VPS72: variants seen among roughly 807,000 people sequenced by gnomAD.
VPS72 encodes the protein vacuolar protein sorting 72 homolog.
In VPS72, 27 loss-of-function variants were observed where a neutral mutation model predicts 38.9. That is an observed-to-expected ratio of 0.69 (90% CI 0.51 to 0.96). The LOEUF (loss-of-function observed/expected upper bound fraction) is 0.96. Among genes scored for constraint, VPS72 ranks in the 40% least tolerant of loss-of-function variants. VPS72 has a pLI of 0.00. For synonymous variants in VPS72, 173 were observed against 186.3 expected (o/e 0.93, Z 0.58); for missense variants, 360 against 479.5 (o/e 0.75, Z 2.33).
At chr1:151,184,904 C>T (rs1010438900) in intron 3 of VPS72, among the ~76,000 whole-genome samples, 1 of 152,080 alleles carries the variant, frequency 6.6e-6, no homozygotes, top group African/African-American at 2.4e-5. Context: ...TTCAAACCTA[C>T]GAAGTTGCAA....
intron 5 of VPS72, 43 bp downstream of exon 5, chr1:151,177,958 T>A (rs1487900466): frequency 6.3e-7 from 1 of 1,596,052 alleles, no homozygotes; most frequent in Non-Finnish European, 8.6e-7. Flanking sequence ...CAAGAGAACA[T>A]GAGCTGAACA....
At chr1:151,183,861 T>C (rs955545328) in intron 4 of VPS72, among the ~76,000 whole-genome samples, 1 of 152,174 alleles carries the variant, frequency 6.6e-6, no homozygotes. Flanking sequence ...GTTCTCATGA[T>C]TATCATTAAA....
Position 151,176,444 on chromosome 1 carries a change from A to C in VPS72, c.*200T>G. On this transcript the variant is annotated 3_prime_UTR_variant, in exon 6 of 6. Transcript: ENST00000368892. Reference sequence around the variant, plus strand: ...AAATACTTCTTGCTCCCAACCCTAGACTGGACACCAGACAAAAGGGATCTT... The same window carrying C: ...AAATACTTCTTGCTCCCAACCCTAGCCTGGACACCAGACAAAAGGGATCTT... 3.4e-6 allele frequency: 3 copies of C among 879,874 alleles called. No individual in the cohort carries two copies. The East Asian group carries it at 7.9e-5, about 23-fold the overall frequency. The allele number at this position is 879,874 out of a possible 1,614,324, so 54.5% of individuals were successfully genotyped here.
At chr1:151,187,038 T>G (rs1684366233) in intron 1 of VPS72, among the ~76,000 whole-genome samples, 1 of 152,092 alleles carries the variant, frequency 6.6e-6, no homozygotes, top group Non-Finnish European at 1.5e-5. Flanking sequence ...TGAGTACTGC[T>G]ACTATGGATA....
In VPS72 at chr1:151,176,927, T is replaced by C. The variant is rs1331639976; in HGVS notation, c.812A>G (p.Asp271Gly). 6.2e-7 allele frequency: 1 copy of C among 1,613,726 alleles called. No homozygotes were observed. The highest frequency in any genetic ancestry group is 8.5e-7 in the Non-Finnish European group (1 of 1,179,872). The part of the protein sequence containing the change: ...CSRTFITFSD[D>G]ATFEEWFPQG... ...GGGGAACCATTCCTCGAAAGTTGCA[T>C]CATCACTAAAAGTGATGAAGGTACG... The change falls in exon 6 of 6, where the codon GAT (aspartate) becomes GGT (glycine). Residue 271 changes from aspartate (D) to glycine (G), a missense_variant. Physicochemically the swap from Asp to Gly is moderately conservative, Grantham distance 94 (BLOSUM62 -1). Around this residue, in one of 2 missense-constraint regions of VPS72, gnomAD observed 294 missense variants for 356.3 expected, o/e 0.83. Transcript: ENST00000368892.
chr1:151,182,191 C>T (rs1322969773), intron 4 of VPS72, among the ~76,000 whole-genome samples: 2 of 152,142 alleles, frequency 1.3e-5, no homozygotes, highest in Non-Finnish European at 2.9e-5. Flanking sequence ...CCACACTCAG[C>T]TAATATTTTG....
At chr1:151,185,653 C>G (rs587626728) in intron 2 of VPS72, 33 bp from the exon 3 acceptor site, 2 of 1,611,856 alleles carry the variant, frequency 1.2e-6, no homozygotes, top group African/African-American at 1.3e-5. Flanking sequence ...TACTGGGGAA[C>G]AGAAGAAGTC....
intron 1 of VPS72, among the ~76,000 whole-genome samples, chr1:151,188,880 G>C (rs373919843): frequency 6.6e-6 from 1 of 152,116 alleles, no homozygotes; most frequent in Non-Finnish European, 1.5e-5. Flanking sequence ...GCCCAGGCTG[G>C]AGTGCAGTGG....
intron 1 of VPS72, among the ~76,000 whole-genome samples, chr1:151,189,794 C>A (rs1426624240): frequency 1.3e-5 from 2 of 152,058 alleles, no homozygotes; most frequent in Non-Finnish European, 2.9e-5. Context: ...CCGTCTCAGG[C>A]CCCTTTGACC....
Position 151,185,560 on chromosome 1 carries a change from C to T in VPS72, c.331G>A (p.Ala111Thr), listed in dbSNP as rs200100551. 501 of 1,614,064 alleles carry T rather than the reference C, an allele frequency of 3.1e-4. 1 individual carries two copies. The highest frequency in any genetic ancestry group is 4.0e-4 in the Non-Finnish European group (467 of 1,180,040). ...GGCAGTAGTGCCTTCTCTTCTCGCG[C>T]CTTCTGAGAGCTACCAGCCGGGGTG... ...VNTPAGSSQK[A>T]REEKALLPLE... Residue 111 changes from alanine to threonine, a missense_variant, in exon 3 of 6, where the codon GCG becomes ACG. Transcript: ENST00000368892.
At position 151,185,500 on chromosome 1, in the gene VPS72, A is replaced by G; in HGVS notation, c.385+6T>C. On this transcript the variant is annotated splice_donor_region_variant and intron_variant, in intron 3 of 5. Coordinates refer to ENST00000368892, the MANE Select transcript of VPS72 (RefSeq NM_005997.3). ...TTTGCCAATTGACCCTAACATCCCTACTCACTGTCAGAGCCGTCATCTTGT... is the reference window on the plus strand; with the variant it reads ...TTTGCCAATTGACCCTAACATCCCTGCTCACTGTCAGAGCCGTCATCTTGT... The G allele has an allele frequency of 6.2e-7, 1 of 1,613,428 alleles. No homozygotes were observed. Among genetic ancestry groups the G allele is most frequent in the South Asian group, 1.1e-5 (1 of 91,050 alleles).
rs1684303675 is a variant in VPS72 at position 151,184,399 on chromosome 1, C to T, written c.480G>A (p.Gly160=). The T allele has an allele frequency of 1.2e-6, 2 of 1,613,926 alleles. No individual in the cohort carries two copies. The highest frequency in any genetic ancestry group is 1.7e-6 in the Non-Finnish European group (2 of 1,180,038). ...GGGTTAGTGGCCGCTCACAGTGGGG[C>T]CCCTTTCGCCGTCTTGACTGGCCCT... ...ERQGQSRRRK[G]PHCERPLTQE... is the part of the protein sequence containing the mutation. Residue 160 remains glycine, a synonymous_variant, in exon 4 of 6, where the codon GGG becomes GGA. Transcript: ENST00000368892.
At chr1:151,188,105 C>T (rs1684391414) in intron 1 of VPS72, among the ~76,000 whole-genome samples, 1 of 151,516 alleles carries the variant, frequency 6.6e-6, no homozygotes, top group African/African-American at 2.4e-5. Flanking sequence ...GGCAGTGGCG[C>T]AATCCACTGC....
rs150079767 is a variant in VPS72, at chr1:151,187,054, G to A, written c.118-1104C>T. On this transcript the variant is annotated intron_variant, in intron 1 of 5. Transcript: ENST00000368892. ...GAGTACTGCTACTATGGATAATGGA[G>A]GGCCACTGAAGATTTAGGGGAGGGG... Among the ~76,000 whole-genome samples, 60 of 152,210 alleles carry A rather than the reference G, an allele frequency of 3.9e-4. No homozygotes were observed. The East Asian group carries it at 0.012, about 29-fold the overall frequency.
rs138818377 is a variant in VPS72 at position 151,176,711 on chromosome 1, G to A, written c.1028C>T (p.Pro343Leu). The A allele has an allele frequency of 2.7e-5, 44 of 1,614,072 alleles. No individual in the cohort carries two copies. The highest frequency in any genetic ancestry group is 6.7e-5 in the Admixed American group (4 of 60,002). Residue 343 changes from proline to leucine, a missense_variant, in exon 6 of 6, where the codon CCG becomes CTG. Physicochemically the swap from Pro to Leu is moderately conservative, Grantham distance 98. Around this residue, in one of 2 missense-constraint regions of VPS72, gnomAD observed 294 missense variants for 356.3 expected, o/e 0.83. Coordinates refer to ENST00000368892, the MANE Select transcript of VPS72 (RefSeq NM_005997.3). Reference sequence around the variant, plus strand: ...GCCAGGGAGGGGCTCAGGAGGTGGCGGGCCGGGGCCCAGGGCTGAGGCAGT... The same window carrying A: ...GCCAGGGAGGGGCTCAGGAGGTGGCAGGCCGGGGCCCAGGGCTGAGGCAGT... ...PPTASALGPGPPPPEPLPGSG... is the reference protein window; with the variant it reads ...PPTASALGPGLPPPEPLPGSG...
intron 5 of VPS72, 138 bp from the exon 6 acceptor site, chr1:151,177,169 G>A (rs1249014451): frequency 4.5e-6 from 4 of 892,746 alleles, no homozygotes; most frequent in Admixed American, 6.5e-5. Flanking sequence ...GGCAGATGAC[G>A]AGGTCAGGAG....
chr1:151,178,458 A>C (rs1684165004), intron 4 of VPS72, among the ~76,000 whole-genome samples: 1 of 152,170 alleles, frequency 6.6e-6, no homozygotes, highest in South Asian at 2.1e-4. Flanking sequence ...CTCCTCTACA[A>C]ATGCCCTGTC....
intron 4 of VPS72, 109 bp from the exon 5 acceptor site, chr1:151,178,254 C>CT: frequency 7.2e-7 from 1 of 1,389,592 alleles, no homozygotes. Context: ...CTAGTCACTG[C>CT]CAACTACCAG....
chr1:151,188,135 C>G (rs1443386109), intron 1 of VPS72, among the ~76,000 whole-genome samples: 1 of 151,756 alleles, frequency 6.6e-6, no homozygotes, highest in African/African-American at 2.4e-5. Flanking sequence ...CTCCTGGGTT[C>G]AAGTGATTCT....
Sources: allele counts gnomAD v4.1 joint callset (sites outside exome capture counted in the v4.1 genomes callset), GRCh38; gene constraint gnomAD v4.1.1; regional missense constraint gnomAD v4.1.1; transcripts MANE v1.5; gene names NCBI Gene and HGNC (gene_info 2026-07-23, HGNC 2026-07-21).